The following RASGRP4 variants were observed in gnomAD, a reference collection of about 807,000 sequenced individuals.
The protein encoded by RASGRP4 is RAS guanyl releasing protein 4.
In RASGRP4, 52 loss-of-function variants were observed where a neutral mutation model predicts 84.4. That is an observed-to-expected ratio of 0.62 (90% CI 0.49 to 0.78). The LOEUF is 0.78. Among genes scored for constraint, RASGRP4 ranks in the 30% least tolerant of loss-of-function variants. The probability of loss-of-function intolerance (pLI) is 0.00; values close to 1 mark genes in which losing one functional copy is unlikely to be tolerated. For missense variants in RASGRP4, 760 were observed against 886.9 expected (o/e 0.86, Z 1.82); for synonymous variants, 356 against 359.1 (o/e 0.99, Z 0.10).
intron 8 of RASGRP4, among the ~76,000 whole-genome samples, chr19:38,415,456 T>C (rs1971461395): frequency 1.4e-5 from 2 of 144,982 alleles, no homozygotes; most frequent in Admixed American, 1.4e-4. Context: ...TACTGCCACC[T>C]CCACCTCCTG....
Position 38,418,673 on chromosome 19 carries a change from G to A in RASGRP4, c.664-109C>T. ...GATGTCCTAGCCTGGTCTAGCCGGA[G>A]TGACCTTTGTCATCTGTCCCCCAAC... On this transcript the variant is annotated intron_variant, in intron 6 of 16. Transcript: ENST00000615439. The surrounding 1 kb of genome is among the most constrained non-coding windows in gnomAD (Gnocchi z 4.6). 8.9e-7 allele frequency: 1 copy of A among 1,118,330 alleles called. No individual in the cohort carries two copies. The highest frequency in any genetic ancestry group is 1.2e-6 in the Non-Finnish European group (1 of 817,574). 69.3% of individuals were successfully genotyped at this position (1,118,330 alleles called of 1,614,324 possible). A position where few individuals can be genotyped will look rare whatever the true frequency, so the allele number is the denominator to read the frequency against.
chr19:38,415,010 C>T lies in RASGRP4; in HGVS notation c.1068G>A (p.Lys356=), dbSNP rs752506312. Residue 356 remains lysine (K), a synonymous_variant, in exon 9 of 17, where the codon AAG becomes AAA. Coordinates refer to ENST00000615439, the MANE Select transcript of RASGRP4 (RefSeq NM_170604.3). Reference sequence around the variant, plus strand: ...GTGCCTCATGCAGGGACACCAGGTCCTTGAGGTGCACGCCCAGTACAGGCA... The same window carrying T: ...GTGCCTCATGCAGGGACACCAGGTCTTTGAGGTGCACGCCCAGTACAGGCA... ...FRLPVLGVHL[K]DLVSLHEAQP... 11 of 1,612,422 alleles carry T rather than the reference C, an allele frequency of 6.8e-6. No individual in the cohort carries two copies. The highest frequency in any genetic ancestry group is 2.2e-5 in the South Asian group (2 of 90,764).
intron 1 of RASGRP4, among the ~76,000 whole-genome samples, chr19:38,423,449 C>G (rs1971846607): frequency 6.6e-6 from 1 of 151,800 alleles, no homozygotes; most frequent in Admixed American, 6.6e-5. Flanking sequence ...TCGCTTGAAC[C>G]CAGGAGGTGG....
In RASGRP4 at chr19:38,420,214, T is replaced by A. The variant is rs749103962; in HGVS notation, c.426A>T (p.Leu142=). ...CCCAGAAACGACCTATGACTTCTTC[T>A]AGCTGGGGATCCTGGTGCATCACCT... ...HPEVMHQDPQ[L]EEVIGRFWAT... is the part of the protein sequence containing the mutation. The change falls in exon 5 of 17, where the codon CTA becomes CTT. Residue 142 remains leucine (L), a synonymous_variant. Transcript: ENST00000615439. 1 of 1,612,940 alleles carries A rather than the reference T, an allele frequency of 6.2e-7. No homozygotes were observed. Among genetic ancestry groups the A allele is most frequent in the Non-Finnish European group, 8.5e-7 (1 of 1,179,538 alleles).
rs1738435877 is a variant in RASGRP4, at chr19:38,409,535, T to A, written c.*505A>T. On this transcript the variant is annotated 3_prime_UTR_variant, in exon 17 of 17. Transcript: ENST00000615439. ...CTGGTGGATCATGAGGTCAGGAGTT[T>A]GAGACCATCTTGGCCAACATGGGGA... 1.3e-5 allele frequency: 2 copies of A among 152,394 alleles called. No homozygotes were observed. Among genetic ancestry groups the A allele is most frequent in the African/African-American group, 4.8e-5 (2 of 41,332 alleles). 9.4% of individuals were successfully genotyped at this position (152,394 alleles called of 1,614,324 possible).
At chr19:38,416,112 G>T (rs1486909902) in intron 8 of RASGRP4, among the ~76,000 whole-genome samples, 1 of 151,028 alleles carries the variant, frequency 6.6e-6, no homozygotes, top group Non-Finnish European at 1.5e-5. Flanking sequence ...CTCCCCCTCA[G>T]CCTCCCAAGT....
At chr19:38,410,492 A>G (rs1182530309) in intron 16 of RASGRP4, among the ~76,000 whole-genome samples, 1 of 149,584 alleles carries the variant, frequency 6.7e-6, no homozygotes. Context: ...AGCTCACTAC[A>G]GCCTCTGCCT....
At chr19:38,425,202 A>C (rs1367303259) in intron 1 of RASGRP4, among the ~76,000 whole-genome samples, 3 of 151,796 alleles carry the variant, frequency 2.0e-5, no homozygotes, top group Admixed American at 6.6e-5. Flanking sequence ...AAAACAAAAA[A>C]AAAAAAACCA....
rs2145222395 is a variant in RASGRP4, at chr19:38,418,528, C to T, written c.700G>A (p.Val234Ile). The T allele has an allele frequency of 6.5e-7, 1 of 1,546,830 alleles. No individual in the cohort carries two copies. Among genetic ancestry groups the T allele is most frequent in the Non-Finnish European group, 8.7e-7 (1 of 1,145,544 alleles). Reference protein sequence around the residue: ...DLRSYVLQGSVRGCPALEGSV... With the variant: ...DLRSYVLQGSIRGCPALEGSV... ...CCCTCCAGGGCCGGGCAGCCTCGTA[C>T]TGAGCCCTGCAAAACGTAGCTCCGC... Residue 234 changes from valine (V) to isoleucine (I), a missense_variant, in exon 7 of 17, where the codon GTA becomes ATA. Coordinates refer to ENST00000615439, the MANE Select transcript of RASGRP4 (RefSeq NM_170604.3). This position sits in a 1 kb window ranked among gnomAD's most constrained non-coding sequence, Gnocchi z 4.6.
Position 38,417,310 on chromosome 19 carries a change from G to A in RASGRP4, c.838-142C>T, listed in dbSNP as rs1971539759. The A allele has an allele frequency of 9.2e-6, 6 of 651,808 alleles. No individual in the cohort carries two copies. Among genetic ancestry groups the A allele is most frequent in the Non-Finnish European group, 1.7e-5 (6 of 356,310 alleles). The allele number at this position is 651,808 out of a possible 1,614,324, so 40.4% of individuals were successfully genotyped here. Reference sequence around the variant, plus strand: ...CAGACAGGTGAGAGAAGGCGGGTGTGTGCGGCAAGAGTGGGACATGCCATG... The same window carrying A: ...CAGACAGGTGAGAGAAGGCGGGTGTATGCGGCAAGAGTGGGACATGCCATG... On this transcript the variant is annotated intron_variant, in intron 7 of 16. Coordinates refer to ENST00000615439, the MANE Select transcript of RASGRP4 (RefSeq NM_170604.3). This position sits in a 1 kb window ranked among gnomAD's most constrained non-coding sequence, Gnocchi z 5.1.
rs1971286370 is a variant in RASGRP4 at position 38,412,119 on chromosome 19, G to A, written c.1680+553C>T. 1.5e-5 allele frequency among the ~76,000 whole-genome samples: 2 copies of A among 131,166 alleles called. No homozygotes were observed. The highest frequency in any genetic ancestry group is 3.1e-5 in the Non-Finnish European group (2 of 64,850). 86.0% of individuals were successfully genotyped at this position (131,166 alleles called of 152,430 possible). ...TGTTGTTGTTGTTGTTGTTGTTGTT[G>A]TTGTTGTTGTTGTTTTTGAGACAGA... On this transcript the variant is annotated intron_variant, in intron 13 of 16. Transcript: ENST00000615439. The surrounding 1 kb of genome is among the most constrained non-coding windows in gnomAD (Gnocchi z 4.6).
At chr19:38,425,167 G>T in intron 1 of RASGRP4, among the ~76,000 whole-genome samples, 1 of 146,396 alleles carries the variant, frequency 6.8e-6, no homozygotes, top group African/African-American at 2.5e-5. Context: ...CCTGGCGGCA[G>T]AGCGAGACTC....
intron 1 of RASGRP4, among the ~76,000 whole-genome samples, chr19:38,422,485 G>A (rs1179830759): frequency 1.3e-5 from 2 of 152,122 alleles, no homozygotes; most frequent in Non-Finnish European, 2.9e-5. Flanking sequence ...GAACCAGCGG[G>A]CAAGCAAGCA....
chr19:38,425,052 G>T (rs540889007), intron 1 of RASGRP4, among the ~76,000 whole-genome samples: 4 of 152,144 alleles, frequency 2.6e-5, no homozygotes. Context: ...GGGTGTGGTG[G>T]TGCACACCTG....
At position 38,410,112 on chromosome 19, in the gene RASGRP4, G is replaced by C. The variant is rs553564676; in HGVS notation, c.1966-16C>G. ...GGCAGGGGACCTGGAAGGAGGAAGG[G>C]AGGAAGAAAGATGACAGATGATGTG... On this transcript the variant is annotated splice_polypyrimidine_tract_variant and intron_variant, in intron 16 of 16. Coordinates refer to ENST00000615439, the MANE Select transcript of RASGRP4 (RefSeq NM_170604.3). 1.2e-6 allele frequency: 2 copies of C among 1,606,266 alleles called. No individual in the cohort carries two copies. The highest frequency in any genetic ancestry group is 2.2e-5 in the South Asian group (2 of 90,490).
Position 38,414,932 on chromosome 19 carries a change from G to C in RASGRP4, c.1146C>G (p.Leu382=). ...GRLHLPKLNN[L]YLRLQELVAL... is the part of the protein sequence containing the mutation. Reference sequence around the variant, plus strand: ...CCACCAGCTCCTGCAGCCGCAGGTAGAGGTTGTTCAGCTTGGGTAGGTGCA... The same window carrying C: ...CCACCAGCTCCTGCAGCCGCAGGTACAGGTTGTTCAGCTTGGGTAGGTGCA... The change falls in exon 9 of 17, where the codon CTC becomes CTG. Residue 382 remains leucine (L), a synonymous_variant. Transcript: ENST00000615439. The C allele has an allele frequency of 6.2e-7, 1 of 1,613,412 alleles. No homozygotes were observed. Among genetic ancestry groups the C allele is most frequent in the Non-Finnish European group, 8.5e-7 (1 of 1,179,704 alleles).
Position 38,418,828 on chromosome 19 carries a change from G to C in RASGRP4, c.664-264C>G, listed in dbSNP as rs1435622034. Among the ~76,000 whole-genome samples, 1 of 152,164 alleles carries C rather than the reference G, an allele frequency of 6.6e-6. No homozygotes were observed. The highest frequency in any genetic ancestry group is 6.5e-5 in the Admixed American group (1 of 15,286). On this transcript the variant is annotated intron_variant, in intron 6 of 16. Transcript: ENST00000615439. The surrounding 1 kb of genome is among the most constrained non-coding windows in gnomAD (Gnocchi z 4.6). ...TAATTTAATCCTCATAACTCTATGA[G>C]GTGAGTATCATTCCATTTTAGAGGT...
intron 1 of RASGRP4, among the ~76,000 whole-genome samples, chr19:38,422,798 TAAA>T (rs1971817746): frequency 6.6e-6 from 1 of 151,924 alleles, no homozygotes; most frequent in African/African-American, 2.4e-5. Flanking sequence ...GTAATAATAA[TAAA>T]AATAAAGCAC....
At position 38,421,184 on chromosome 19, in the gene RASGRP4, C is replaced by T; in HGVS notation, c.225G>A (p.Leu75=). 1.2e-6 allele frequency: 2 copies of T among 1,613,500 alleles called. No homozygotes were observed. Among genetic ancestry groups the T allele is most frequent in the Non-Finnish European group, 1.7e-6 (2 of 1,179,578 alleles). ...CIQSFDSAGS[L]CHEDHMLNMV... ...TGTTGAGCATGTGGTCCTCGTGGCA[C>T]AGGCTGCCAGCTGAATCTGGGGTGG... Residue 75 remains leucine (L), a synonymous_variant, in exon 3 of 17, where the codon CTG becomes CTA. Transcript: ENST00000615439.
Sources: gnomAD v4.1 joint callset for allele counts (sites outside exome capture counted in the v4.1 genomes callset) on GRCh38, gnomAD v4.1.1 for gene constraint, Gnocchi (gnomAD v3.1) non-coding constraint, MANE v1.5 for transcripts, NCBI Gene and HGNC (gene_info 2026-07-23, HGNC 2026-07-21) for gene names.